The following ADCY5 variants were observed in gnomAD, a reference collection of about 807,000 sequenced individuals.
The protein encoded by ADCY5 is adenylate cyclase 5.
ADCY5 carries 30 observed loss-of-function variants against 119.7 expected under a neutral mutation model. That is an observed-to-expected ratio of 0.25 (90% CI 0.19 to 0.34). The LOEUF (loss-of-function observed/expected upper bound fraction) is 0.34. Ranked by LOEUF, ADCY5 falls within the 10% of genes least tolerant of loss-of-function variation. ADCY5 has a pLI of 1.00. For synonymous variants in ADCY5, 753 were observed against 762.2 expected, an observed-to-expected ratio of 0.99 and a Z score of 0.20; for missense variants, 1,324 against 1,775.2, an observed-to-expected ratio of 0.75 and a Z score of 4.57.
chr3:123,318,099 C>A lies in ADCY5; in HGVS notation c.2275G>T (p.Asp759Tyr). 1.2e-6 allele frequency: 2 copies of A among 1,611,430 alleles called. No individual in the cohort carries two copies. Among genetic ancestry groups the A allele is most frequent in the South Asian group, 2.2e-5 (2 of 90,982 alleles). The change falls in exon 11 of 21, where the codon GAC becomes TAC. Residue 759 changes from aspartate to tyrosine, a missense_variant. Asp to Tyr is a radical substitution (Grantham distance 160, BLOSUM62 -3). Coordinates refer to ENST00000462833, the MANE Select transcript of ADCY5 (RefSeq NM_183357.3). Reference sequence around the variant, plus strand: ...CACGCCACATAGGCACCAAATCGGTCGTCTACCTGCTTGGAGTACTGAGAG... The same window carrying A: ...CACGCCACATAGGCACCAAATCGGTAGTCTACCTGCTTGGAGTACTGAGAG... ...LEKKYSKQVD[D>Y]RFGAYVACAS...
chr3:123,285,820 T>C (rs966884487), intron 20 of ADCY5, among the ~76,000 whole-genome samples: 4 of 152,234 alleles, frequency 2.6e-5, no homozygotes, highest in African/African-American at 4.8e-5. Context: ...GAAAAGGCCA[T>C]TAAGGCCAGG....
chr3:123,330,846 C>G, intron 5 of ADCY5, 43 bp downstream of exon 5: 1 of 1,562,096 alleles, frequency 6.4e-7, no homozygotes, highest in Non-Finnish European at 8.7e-7. Flanking sequence ...GGGCTGTGGA[C>G]AGTCCCAGGG....
At chr3:123,374,381 G>A (rs1408126915) in intron 1 of ADCY5, among the ~76,000 whole-genome samples, 4 of 152,198 alleles carry the variant, frequency 2.6e-5, no homozygotes, top group Non-Finnish European at 4.4e-5. Context: ...GCCACTACAA[G>A]CTGGTAATGG....
At chr3:123,331,086 G>T in intron 4 of ADCY5, 70 bp from the exon 5 acceptor site, 1 of 1,527,470 alleles carries the variant, frequency 6.5e-7, no homozygotes, top group Non-Finnish European at 8.9e-7. Context: ...GAAACGAGAA[G>T]CAAAAAGATT....
At chr3:123,387,538 A>C (rs941404284) in intron 1 of ADCY5, among the ~76,000 whole-genome samples, 2 of 152,212 alleles carry the variant, frequency 1.3e-5, no homozygotes, top group South Asian at 4.1e-4. Flanking sequence ...ACAACAACAA[A>C]AAATACAAAT....
intron 1 of ADCY5, among the ~76,000 whole-genome samples, chr3:123,431,634 A>G (rs888328867): frequency 3.3e-5 from 5 of 152,194 alleles, no homozygotes; most frequent in Admixed American, 3.3e-4. Flanking sequence ...TTATTATAGC[A>G]CTGCACTAAG....
chr3:123,356,880 T>G (rs1314166772), intron 1 of ADCY5, among the ~76,000 whole-genome samples: 1 of 152,072 alleles, frequency 6.6e-6, no homozygotes, highest in Admixed American at 6.5e-5. Flanking sequence ...AAAAGTTATG[T>G]TCACACAAAA....
At chr3:123,377,300 T>C (rs1481975846) in intron 1 of ADCY5, among the ~76,000 whole-genome samples, 1 of 152,158 alleles carries the variant, frequency 6.6e-6, no homozygotes, top group East Asian at 1.9e-4. Flanking sequence ...CACTTCTTGT[T>C]ATCACTGCCC....
chr3:123,443,034 A>G (rs1350601277), intron 1 of ADCY5, among the ~76,000 whole-genome samples: 1 of 152,152 alleles, frequency 6.6e-6, no homozygotes, highest in East Asian at 1.9e-4. Flanking sequence ...AATTGGTGGC[A>G]GACAATACCC....
chr3:123,343,965 C>T (rs374745992), intron 3 of ADCY5, among the ~76,000 whole-genome samples: 24 of 152,230 alleles, frequency 1.6e-4, no homozygotes, highest in Admixed American at 3.3e-4. Flanking sequence ...CGTCTGCCCA[C>T]GGCCAGTGGT....
At chr3:123,307,218 T>C (rs1940246030) in intron 12 of ADCY5, among the ~76,000 whole-genome samples, 2 of 152,206 alleles carry the variant, frequency 1.3e-5, no homozygotes, top group Non-Finnish European at 2.9e-5. Flanking sequence ...TTCATTCACC[T>C]TTATAAAGGT....
chr3:123,350,575 AC>A (rs1942789192), intron 2 of ADCY5, among the ~76,000 whole-genome samples: 1 of 152,168 alleles, frequency 6.6e-6, no homozygotes, highest in African/African-American at 2.4e-5. Context: ...CCGCTGAGGA[AC>A]AATTCTGAGC....
At chr3:123,321,441 A>G (rs944105370) in intron 8 of ADCY5, among the ~76,000 whole-genome samples, 2 of 152,170 alleles carry the variant, frequency 1.3e-5, no homozygotes, top group Non-Finnish European at 2.9e-5. Context: ...TGTCAAACTC[A>G]AAGCCCTCTT....
At chr3:123,382,172 C>T (rs867628776) in intron 1 of ADCY5, among the ~76,000 whole-genome samples, 1 of 152,192 alleles carries the variant, frequency 6.6e-6, no homozygotes. Context: ...ATATCCATCC[C>T]CAAGCAAAGG....
chr3:123,442,739 C>G (rs1945743879), intron 1 of ADCY5, among the ~76,000 whole-genome samples: 1 of 152,176 alleles, frequency 6.6e-6, no homozygotes, highest in Admixed American at 6.5e-5. Flanking sequence ...CCCCAGGGAT[C>G]AAGGCACTCT....
intron 3 of ADCY5, among the ~76,000 whole-genome samples, 198 bp downstream of exon 3, chr3:123,347,584 A>C (rs1319743930): frequency 1.3e-5 from 2 of 151,898 alleles, no homozygotes; most frequent in Admixed American, 6.6e-5. Flanking sequence ...CCCCACCCCC[A>C]AAAAAGCTCC....
intron 1 of ADCY5, among the ~76,000 whole-genome samples, chr3:123,424,132 G>A (rs1945354313): frequency 6.6e-6 from 1 of 152,266 alleles, no homozygotes; most frequent in Non-Finnish European, 1.5e-5. Flanking sequence ...TGGCACTCAA[G>A]TGTCTGCACT....
chr3:123,292,175 C>A (rs1033253420), intron 17 of ADCY5, among the ~76,000 whole-genome samples: 2 of 152,242 alleles, frequency 1.3e-5, no homozygotes, highest in African/African-American at 4.8e-5. Context: ...TGAGAAAAAT[C>A]TGGCTGGCCC....
At chr3:123,334,828 C>T (rs867074016) in intron 3 of ADCY5, among the ~76,000 whole-genome samples, 4 of 152,168 alleles carry the variant, frequency 2.6e-5, no homozygotes, top group African/African-American at 7.2e-5. Flanking sequence ...TGTGATGTCA[C>T]GTATCCACAG....
Sources: allele counts gnomAD v4.1 joint callset (sites outside exome capture counted in the v4.1 genomes callset), GRCh38; gene constraint gnomAD v4.1.1; transcripts MANE v1.5; gene names NCBI Gene and HGNC (gene_info 2026-07-23, HGNC 2026-07-21).